Variants in KIF6 observed in about 807,000 individuals in gnomAD.
The protein encoded by KIF6 is kinesin-like protein KIF6.
KIF6 carries 106 observed loss-of-function variants against 112.7 expected under a neutral mutation model. The observed-to-expected ratio is 0.94, with a 90% CI of 0.80 to 1.11. The LOEUF is 1.11. KIF6 is among the 50% of genes least tolerant of loss of function. KIF6 has a pLI of 0.00. For synonymous variants in KIF6, 339 were observed against 339.9 expected (o/e 1.00, Z 0.03); for missense variants, 929 against 964.0 (o/e 0.96, Z 0.48).
At chr6:39,463,435 A>G (rs898366212) in intron 13 of KIF6, among the ~76,000 whole-genome samples, 1 of 152,226 alleles carries the variant, frequency 6.6e-6, no homozygotes, top group African/African-American at 2.4e-5. Flanking sequence ...GGACATTTGA[A>G]TATTTCAACA....
intron 3 of KIF6, among the ~76,000 whole-genome samples, chr6:39,712,058 G>GA (rs969932900): frequency 4.0e-5 from 6 of 151,368 alleles, no homozygotes; most frequent in Non-Finnish European, 5.9e-5. Flanking sequence ...AGCAAGAAAG[G>GA]AAAAAAAATT....
intron 13 of KIF6, among the ~76,000 whole-genome samples, chr6:39,454,444 C>A (rs975295335): frequency 1.3e-5 from 2 of 151,520 alleles, no homozygotes; most frequent in Admixed American, 6.6e-5. Flanking sequence ...ATATGTGACA[C>A]CCGATATCCA....
intron 13 of KIF6, among the ~76,000 whole-genome samples, chr6:39,503,479 C>A (rs532972253): frequency 1.3e-5 from 2 of 151,910 alleles, no homozygotes; most frequent in East Asian, 3.9e-4. Flanking sequence ...AATATCAGAG[C>A]TGAACTGAAG....
At chr6:39,436,360 T>C (rs749248152) in intron 13 of KIF6, among the ~76,000 whole-genome samples, 40 of 152,306 alleles carry the variant, frequency 2.6e-4, no homozygotes, top group Non-Finnish European at 4.0e-4. Flanking sequence ...AGAAGCTTTT[T>C]AGTTTAATTA....
chr6:39,653,546 T>C (rs1317051152), intron 3 of KIF6, among the ~76,000 whole-genome samples: 1 of 152,198 alleles, frequency 6.6e-6, no homozygotes, highest in African/African-American at 2.4e-5. Flanking sequence ...CTTTCCTCAA[T>C]TTCCTTTGAT....
At chr6:39,593,045 G>A (rs116348180) in intron 7 of KIF6, among the ~76,000 whole-genome samples, 1,953 of 152,214 alleles carry the variant, frequency 0.013, 47 homozygotes, top group African/African-American at 0.044. Flanking sequence ...TCTATTATAG[G>A]TTTTAAATTA....
At chr6:39,659,376 G>C (rs934095234) in intron 3 of KIF6, among the ~76,000 whole-genome samples, 1 of 152,132 alleles carries the variant, frequency 6.6e-6, no homozygotes, top group Non-Finnish European at 1.5e-5. Flanking sequence ...GGCCAGCAAA[G>C]CAGCAGATTA....
At chr6:39,434,862 G>A (rs1250698230) in intron 13 of KIF6, among the ~76,000 whole-genome samples, 2 of 152,124 alleles carry the variant, frequency 1.3e-5, no homozygotes, top group African/African-American at 4.8e-5. Context: ...GATTACAAAG[G>A]CAACCTGATT....
chr6:39,369,394 G>A (rs191252088), intron 16 of KIF6, among the ~76,000 whole-genome samples: 17 of 152,246 alleles, frequency 1.1e-4, no homozygotes, highest in Admixed American at 5.9e-4. Context: ...CAGACCCTGC[G>A]CTCACTGCCA....
intron 10 of KIF6, among the ~76,000 whole-genome samples, chr6:39,559,305 A>C (rs1369671151): frequency 6.6e-6 from 1 of 152,150 alleles, no homozygotes; most frequent in Non-Finnish European, 1.5e-5. Flanking sequence ...TTTTTTTAAA[A>C]CTGCCCAATT....
chr6:39,456,905 C>G (rs888635919), intron 13 of KIF6, among the ~76,000 whole-genome samples: 10 of 151,672 alleles, frequency 6.6e-5, no homozygotes, highest in African/African-American at 2.4e-4. Flanking sequence ...GACTTAGAGT[C>G]CCACACATTA....
At chr6:39,465,339 GT>G (rs1773724064) in intron 13 of KIF6, among the ~76,000 whole-genome samples, 6 of 152,290 alleles carry the variant, frequency 3.9e-5, no homozygotes, top group African/African-American at 1.4e-4. Flanking sequence ...AAGTAATGAC[GT>G]TATTATCAAG....
chr6:39,529,994 G>A (rs1014647443), intron 13 of KIF6, among the ~76,000 whole-genome samples: 52 of 152,274 alleles, frequency 3.4e-4, no homozygotes, highest in African/African-American at 1.2e-3. Context: ...AATTCACAGA[G>A]TATTTCTTCC....
intron 15 of KIF6, among the ~76,000 whole-genome samples, chr6:39,400,358 C>G (rs1222781420): frequency 6.6e-6 from 1 of 152,216 alleles, no homozygotes; most frequent in Non-Finnish European, 1.5e-5. Flanking sequence ...CATGCCAATC[C>G]TAACTCACAA....
intron 2 of KIF6, among the ~76,000 whole-genome samples, chr6:39,720,073 A>G (rs769216810): frequency 3.9e-5 from 6 of 152,238 alleles, no homozygotes; most frequent in Non-Finnish European, 8.8e-5. Context: ...CAAAGTTAGA[A>G]GTTTCATGTA....
intron 3 of KIF6, among the ~76,000 whole-genome samples, chr6:39,700,064 G>A (rs926848874): frequency 2.0e-5 from 3 of 152,020 alleles, no homozygotes; most frequent in Admixed American, 1.3e-4. Flanking sequence ...CGATACATAT[G>A]GCTATACAGC....
chr6:39,615,078 T>C (rs1442581348), intron 5 of KIF6, among the ~76,000 whole-genome samples: 1 of 151,716 alleles, frequency 6.6e-6, no homozygotes, highest in Non-Finnish European at 1.5e-5. Flanking sequence ...GACACTGAGG[T>C]GGGAGGATGG....
At chr6:39,700,888 T>G (rs970721371) in intron 3 of KIF6, among the ~76,000 whole-genome samples, 2 of 152,052 alleles carry the variant, frequency 1.3e-5, no homozygotes, top group Non-Finnish European at 2.9e-5. Context: ...AACTTTTGTA[T>G]TTTTTAGTAG....
At chr6:39,437,501 T>C (rs924305598) in intron 13 of KIF6, among the ~76,000 whole-genome samples, 4 of 152,238 alleles carry the variant, frequency 2.6e-5, no homozygotes, top group East Asian at 1.9e-4. Flanking sequence ...CTTAACGTCT[T>C]TCCTTCTGGA....
Sources: allele counts gnomAD v4.1 joint callset (sites outside exome capture counted in the v4.1 genomes callset), GRCh38; gene constraint gnomAD v4.1.1; transcripts MANE v1.5; gene names NCBI Gene and HGNC (gene_info 2026-07-23, HGNC 2026-07-21).